Variants in AKR1B10 observed in about 807,000 individuals in gnomAD.
AKR1B10 encodes the protein ARP.
Under a neutral mutation model 38.9 loss-of-function variants are expected in AKR1B10, and 39 were observed. The observed-to-expected ratio is 1.00, with a 90% confidence interval of 0.78 to 1.31. The LOEUF is 1.31. Among genes scored for constraint, AKR1B10 ranks in the 50% most tolerant of loss-of-function variants. AKR1B10 has a pLI of 0.00. For missense variants in AKR1B10, 361 were observed against 382.6 expected (o/e 0.94, Z 0.47); for synonymous variants, 148 against 141.2 (o/e 1.05, Z -0.34).
At chr7:134,530,849 G>A in intron 2 of AKR1B10, 39 bp downstream of exon 2, 1 of 1,576,746 alleles carries the variant, frequency 6.3e-7, no homozygotes, top group Non-Finnish European at 8.6e-7. Context: ...TCACTTCAAG[G>A]CAGGCAGAAG....
chr7:134,540,694 T>G (rs3778829), intron 9 of AKR1B10, among the ~76,000 whole-genome samples: 62,983 of 151,962 alleles, frequency 0.41, 13,205 homozygotes, highest in Non-Finnish European at 0.45. Context: ...CATTTAATAC[T>G]CAGAACAATC....
In AKR1B10 at chr7:134,541,011, A is replaced by G. The variant is rs1317528687; in HGVS notation, c.909-36A>G. On this transcript the variant is annotated intron_variant, in intron 9 of 9. Coordinates refer to ENST00000359579, the MANE Select transcript of AKR1B10 (RefSeq NM_020299.5). ...CAGAGTTGTTGTTTTGATGGAACTC[A>G]GTTTCTCTGTTTTTGTTTTTTGTTC... 1.1e-5 allele frequency: 16 copies of G among 1,450,456 alleles called. No homozygotes were observed. In the Admixed American group the frequency reaches 2.7e-4, roughly 24 times the overall value. 89.8% of individuals were successfully genotyped at this position (1,450,456 alleles called of 1,614,324 possible).
At chr7:134,530,087 G>T (rs994797967) in intron 1 of AKR1B10, among the ~76,000 whole-genome samples, 5 of 151,976 alleles carry the variant, frequency 3.3e-5, no homozygotes, top group African/African-American at 7.3e-5. Context: ...CACCTGCTTA[G>T]ACCCACACAC....
At chr7:134,530,026 C>T (rs1807806174) in intron 1 of AKR1B10, among the ~76,000 whole-genome samples, 1 of 152,046 alleles carries the variant, frequency 6.6e-6, no homozygotes, top group Non-Finnish European at 1.5e-5. Context: ...CCTCATGAGG[C>T]TGGTGCTATT....
chr7:134,536,616 A>G (rs147931716), intron 4 of AKR1B10, 34 bp from the exon 5 acceptor site: 70,277 of 1,610,552 alleles, frequency 0.044, 2,394 homozygotes, highest in African/African-American at 0.14. Flanking sequence ...TAGTCCCTCT[A>G]GAGCTGCCCA....
At chr7:134,534,124 T>G (rs1807935927) in intron 4 of AKR1B10, among the ~76,000 whole-genome samples, 1 of 152,204 alleles carries the variant, frequency 6.6e-6, no homozygotes, top group South Asian at 2.1e-4. Flanking sequence ...GCACAGCTTT[T>G]TGTTGTTTTT....
chr7:134,528,476 C>A (rs966499792), intron 1 of AKR1B10, among the ~76,000 whole-genome samples: 1 of 152,154 alleles, frequency 6.6e-6, no homozygotes, highest in African/African-American at 2.4e-5. Context: ...GTAATCCCAG[C>A]ACTTTGGGAA....
intron 1 of AKR1B10, among the ~76,000 whole-genome samples, chr7:134,528,914 A>T (rs1231801792): frequency 1.3e-5 from 2 of 152,148 alleles, no homozygotes; most frequent in Admixed American, 1.3e-4. Flanking sequence ...AGTCGTGAGC[A>T]CCACCCGGCT....
chr7:134,536,747 T>C lies in AKR1B10; in HGVS notation c.527T>C (p.Leu176Pro). The C allele has an allele frequency of 8.7e-6, 14 of 1,613,936 alleles. No homozygotes were observed. Among genetic ancestry groups the C allele is most frequent in the Non-Finnish European group, 1.2e-5 (14 of 1,179,826 alleles). ...GAGAAGCTCTTGAACAAACCTGGAC[T>C]GAAATATAAACCAGTGACTAACCAG... is the stretch of plus-strand genomic sequence containing the variant. Reference protein sequence around the residue: ...QIEKLLNKPGLKYKPVTNQVE... With the variant: ...QIEKLLNKPGPKYKPVTNQVE... Residue 176 changes from leucine to proline, a missense_variant, in exon 5 of 10, where the codon CTG becomes CCG. Physicochemically the swap from Leu to Pro is moderately conservative, Grantham distance 98. This residue lies in a region of AKR1B10 where 220 missense variants were observed against 216.1 expected (regional missense o/e 1.02). Transcript: ENST00000359579.
intron 9 of AKR1B10, among the ~76,000 whole-genome samples, chr7:134,540,077 G>A (rs141707764): frequency 6.6e-6 from 1 of 152,102 alleles, no homozygotes; most frequent in Non-Finnish European, 1.5e-5. Flanking sequence ...AATTAGCTGG[G>A]CGTGGTGGTG....
chr7:134,534,962 C>CT (rs1485533663), intron 4 of AKR1B10, among the ~76,000 whole-genome samples: 1 of 152,022 alleles, frequency 6.6e-6, no homozygotes, highest in Non-Finnish European at 1.5e-5. Flanking sequence ...GTAAGAAACT[C>CT]TGGGGGGTGA....
At position 134,527,815 on chromosome 7, in the gene AKR1B10, T is replaced by C. The variant is rs1375430564; in HGVS notation, c.-97T>C. ...GAGCTGAGATCGCACCACTGCACTC[T>C]AGCCTTGGCAACAGTGCAAGACTGT... On this transcript the variant is annotated 5_prime_UTR_variant, in exon 1 of 10. Transcript: ENST00000359579. The C allele has an allele frequency of 2.5e-6, 4 of 1,574,544 alleles. No individual in the cohort carries two copies. The highest frequency in any genetic ancestry group is 1.3e-5 in the African/African-American group (1 of 74,138).
At chr7:134,533,514 G>A (rs893146378) in intron 4 of AKR1B10, among the ~76,000 whole-genome samples, 12 of 152,262 alleles carry the variant, frequency 7.9e-5, no homozygotes, top group Non-Finnish European at 1.8e-4. Flanking sequence ...GATTAAGATG[G>A]TTTACATGCC....
intron 4 of AKR1B10, among the ~76,000 whole-genome samples, chr7:134,534,564 G>A (rs751735312): frequency 2.0e-5 from 3 of 152,142 alleles, no homozygotes; most frequent in Non-Finnish European, 4.4e-5. Context: ...ACATTTGAAA[G>A]GCATGAAAAG....
At chr7:134,528,727 AAGAAAGAG>A (rs61391979) in intron 1 of AKR1B10, among the ~76,000 whole-genome samples, 17,656 of 151,536 alleles carry the variant, frequency 0.12, 2,161 homozygotes, top group African/African-American at 0.31. Context: ...CCAAGAAAGC[AAGAAAGAG>A]AGAAAGAGAG....
In AKR1B10 at chr7:134,529,699, G is replaced by A. The variant is rs183792034; in HGVS notation, c.67-944G>A. Among the ~76,000 whole-genome samples the A allele has an allele frequency of 1.6e-3, 250 of 152,308 alleles. 3 individuals carry two copies. Among genetic ancestry groups the A allele is most frequent in the South Asian group, 8.1e-3 (39 of 4,830 alleles). On this transcript the variant is annotated intron_variant, in intron 1 of 9. Transcript: ENST00000359579. ...AAAAGACCATTTTGTGAGAGATCAAGTTTTAAGTGCTTTTTTGCCCCCATC... is the reference window on the plus strand; with the variant it reads ...AAAAGACCATTTTGTGAGAGATCAAATTTTAAGTGCTTTTTTGCCCCCATC...
In AKR1B10 at chr7:134,536,805, T is replaced by C. The variant is rs779237539; in HGVS notation, c.552+33T>C. ...CTATTCAGTTTAAGGGTAAGGGTCCTGCCCTATTACTTCTTAAACATTGCG... is the reference window on the plus strand; with the variant it reads ...CTATTCAGTTTAAGGGTAAGGGTCCCGCCCTATTACTTCTTAAACATTGCG... On this transcript the variant is annotated intron_variant, in intron 5 of 9. Coordinates refer to ENST00000359579, the MANE Select transcript of AKR1B10 (RefSeq NM_020299.5). 6 of 1,612,824 alleles carry C rather than the reference T, an allele frequency of 3.7e-6. No individual in the cohort carries two copies. The Admixed American group carries it at 8.3e-5, about 22-fold the overall frequency.
At chr7:134,534,029 A>C (rs1585753438) in intron 4 of AKR1B10, among the ~76,000 whole-genome samples, 1 of 152,308 alleles carries the variant, frequency 6.6e-6, no homozygotes, top group Middle Eastern at 3.4e-3. Context: ...TTATGTTTCA[A>C]CTTTCTGAAA....
At chr7:134,536,498 C>T in intron 4 of AKR1B10, 152 bp from the exon 5 acceptor site, 2 of 1,296,460 alleles carry the variant, frequency 1.5e-6, no homozygotes, top group Non-Finnish European at 2.1e-6. Context: ...CTGATGGGCA[C>T]CCAGGCCCTG....
Sources: gnomAD v4.1 joint callset for allele counts (sites outside exome capture counted in the v4.1 genomes callset) on GRCh38, gnomAD v4.1.1 for gene constraint, gnomAD v4.1.1 regional missense constraint, MANE v1.5 for transcripts, NCBI Gene and HGNC (gene_info 2026-07-23, HGNC 2026-07-21) for gene names.